UBR1: variants seen among roughly 807,000 people sequenced by gnomAD.
UBR1 encodes ubiquitin protein ligase E3 component n-recognin 1.
A neutral mutation model predicts 242.1 loss-of-function variants in UBR1; 102 were observed. That is an observed-to-expected ratio of 0.42 (90% CI 0.36 to 0.50). UBR1 has a LOEUF of 0.50. Among genes scored for constraint, UBR1 ranks in the 20% least tolerant of loss-of-function variants. The pLI, the probability that UBR1 is intolerant of heterozygous loss-of-function variation, is 0.01. For missense variants in UBR1, 1,772 were observed against 2,101.8 expected (o/e 0.84, Z 3.07); for synonymous variants, 675 against 684.8 (o/e 0.99, Z 0.22).
intron 25 of UBR1, among the ~76,000 whole-genome samples, chr15:43,023,684 T>C (rs189896559): frequency 6.6e-6 from 1 of 151,676 alleles, no homozygotes; most frequent in Admixed American, 6.6e-5. Flanking sequence ...TTTTCACCTA[T>C]TACAGTGGCA....
chr15:42,976,871 TGA>T lies in UBR1; in HGVS notation c.4219-6_4219-5del. ...GGAATGCTAACACAGCACCCACCTA[TGA>T]GAGAAAAATGGACATCAATATGGCT... On this transcript the variant is annotated splice_polypyrimidine_tract_variant and splice_region_variant and intron_variant, in intron 38 of 46. Transcript: ENST00000290650. The T allele has an allele frequency of 6.2e-7, 1 of 1,613,224 alleles. No homozygotes were observed. The highest frequency in any genetic ancestry group is 1.7e-5 in the Admixed American group (1 of 59,968).
rs1310952749 is a variant in UBR1 at position 43,037,528 on chromosome 15, T to C, written c.2022+245A>G. 3.9e-5 allele frequency among the ~76,000 whole-genome samples: 6 copies of C among 152,300 alleles called. No homozygotes were observed. In the East Asian group the frequency reaches 1.2e-3, roughly 29 times the overall value. On this transcript the variant is annotated intron_variant, in intron 17 of 46. Transcript: ENST00000290650. Reference sequence around the variant, plus strand: ...ACTATGTTAATGGGGAGGACTCTGGTGGTACTACCGGCTTTCCCTTAATTT... The same window carrying C: ...ACTATGTTAATGGGGAGGACTCTGGCGGTACTACCGGCTTTCCCTTAATTT...
At chr15:43,010,462 T>G (rs1468401275) in intron 29 of UBR1, among the ~76,000 whole-genome samples, 1 of 152,120 alleles carries the variant, frequency 6.6e-6, no homozygotes, top group Non-Finnish European at 1.5e-5. Context: ...CATAATACTA[T>G]CAATGCAAAT....
chr15:43,064,743 A>G (rs761922974), intron 6 of UBR1, among the ~76,000 whole-genome samples: 14 of 151,798 alleles, frequency 9.2e-5, no homozygotes, highest in Admixed American at 7.9e-4. Context: ...CGCCCAGCTA[A>G]TTTTGTATTT....
At chr15:43,079,547 AG>A (rs2033949219) in intron 3 of UBR1, among the ~76,000 whole-genome samples, 1 of 152,034 alleles carries the variant, frequency 6.6e-6, no homozygotes, top group Non-Finnish European at 1.5e-5. Context: ...TGGGAGGACG[AG>A]GCGGGTGGAT....
At chr15:43,029,125 G>A (rs559753044) in intron 21 of UBR1, among the ~76,000 whole-genome samples, 52 of 151,064 alleles carry the variant, frequency 3.4e-4, no homozygotes, top group African/African-American at 1.2e-3. Context: ...ACACACACAC[G>A]CACACACACA....
intron 46 of UBR1, among the ~76,000 whole-genome samples, chr15:42,947,608 A>G (rs1198169949): frequency 2.0e-5 from 3 of 152,168 alleles, no homozygotes; most frequent in African/African-American, 7.2e-5. Flanking sequence ...AAATCAATGT[A>G]CAAAAATCAC....
intron 10 of UBR1, among the ~76,000 whole-genome samples, chr15:43,058,021 T>C (rs527276643): frequency 5.3e-5 from 8 of 152,024 alleles, no homozygotes; most frequent in Admixed American, 1.3e-4. Flanking sequence ...GTGATTTTCC[T>C]GCCTCAGCCT....
Position 43,059,079 on chromosome 15 carries a change from A to G in UBR1, c.1093+6T>C. On this transcript the variant is annotated splice_donor_region_variant and intron_variant, in intron 9 of 46. Coordinates refer to ENST00000290650, the MANE Select transcript of UBR1 (RefSeq NM_174916.3). ...TGACAAACAGCATAAGCAAATGTCT[A>G]CTTACCTTTATAAAGCTTTGCATCC... is the stretch of plus-strand genomic sequence containing the variant. The G allele has an allele frequency of 6.2e-7, 1 of 1,610,706 alleles. No homozygotes were observed. The highest frequency in any genetic ancestry group is 8.5e-7 in the Non-Finnish European group (1 of 1,176,958).
At chr15:43,054,974 G>A (rs1054860675) in intron 11 of UBR1, 75 bp from the exon 12 acceptor site, 1 of 1,507,940 alleles carries the variant, frequency 6.6e-7, no homozygotes, top group South Asian at 1.1e-5. Flanking sequence ...CATTCATTTG[G>A]TTAGTCAGTA....
At chr15:43,101,115 C>G (rs2034229085) in intron 1 of UBR1, among the ~76,000 whole-genome samples, 1 of 152,168 alleles carries the variant, frequency 6.6e-6, no homozygotes, top group South Asian at 2.1e-4. Flanking sequence ...CAAAATACAG[C>G]TTGGGCTTGT....
At chr15:43,096,197 A>G (rs1392621956) in intron 1 of UBR1, among the ~76,000 whole-genome samples, 2 of 149,560 alleles carry the variant, frequency 1.3e-5, no homozygotes, top group South Asian at 2.1e-4. Context: ...TTTCTGAGAC[A>G]GAGTCTCACT....
chr15:42,982,677 G>GA lies in UBR1; in HGVS notation c.4150+1219dup, dbSNP rs148412102. On this transcript the variant is annotated intron_variant, in intron 37 of 46. Transcript: ENST00000290650. ...TAAGAAGCTTGTGGGGATTGACAAG[G>GA]AAAAACACTATTGGCTTCAATAGAT... 7.7e-4 allele frequency among the ~76,000 whole-genome samples: 117 copies of GA among 152,168 alleles called. 1 individual carries two copies. In the East Asian group the frequency reaches 0.021, roughly 28 times the overall value.
At chr15:43,007,328 A>G in intron 29 of UBR1, 44 bp from the exon 30 acceptor site, 1 of 1,578,828 alleles carries the variant, frequency 6.3e-7, no homozygotes, top group Non-Finnish European at 8.7e-7. Flanking sequence ...TGTTTTGGTC[A>G]CTTGTCTTCA....
At chr15:43,059,625 C>A in intron 8 of UBR1, 77 bp downstream of exon 8, 4 of 1,454,640 alleles carry the variant, frequency 2.7e-6, no homozygotes, top group Admixed American at 1.8e-5. Flanking sequence ...ATTTCATACT[C>A]AATGACATTT....
intron 43 of UBR1, 147 bp downstream of exon 43, chr15:42,960,498 G>C: frequency 1.2e-6 from 1 of 818,248 alleles, no homozygotes; most frequent in Non-Finnish European, 2.0e-6. Flanking sequence ...GGAAGAATCT[G>C]ATTTCTGGCA....
In UBR1 at chr15:42,953,008, C is replaced by T. The variant is rs117710203; in HGVS notation, c.4836-560G>A. ...GCATGATCTCGGCTCACTGCAACCT[C>T]GGCCTCCCCGGTCCAAGCAATTCTC... On this transcript the variant is annotated intron_variant, in intron 44 of 46. Coordinates refer to ENST00000290650, the MANE Select transcript of UBR1 (RefSeq NM_174916.3). Among the ~76,000 whole-genome samples the T allele has an allele frequency of 9.1e-3, 1,390 of 152,052 alleles. 23 individuals carry two copies. The highest frequency in any genetic ancestry group is 0.081 in the East Asian group (421 of 5,168).
intron 46 of UBR1, among the ~76,000 whole-genome samples, chr15:42,949,381 T>C (rs1239486284): frequency 6.6e-6 from 1 of 151,550 alleles, no homozygotes; most frequent in Non-Finnish European, 1.5e-5. Flanking sequence ...TATACATATG[T>C]AACTAACCTG....
At position 43,015,842 on chromosome 15, in the gene UBR1, G is replaced by T. The variant is rs267604210; in HGVS notation, c.3055C>A (p.Arg1019=). Residue 1019 remains arginine, a synonymous_variant, in exon 29 of 47, where the codon CGA becomes AGA. Transcript: ENST00000290650. ...EITHDKEKAE[R]KRKAEAARLH... is the part of the protein sequence containing the mutation. ...CTAGCAGCTTCAGCTTTTCTTTTTCGTTCTGCTTTTTCTTTATCATGAGTA... is the reference window on the plus strand; with the variant it reads ...CTAGCAGCTTCAGCTTTTCTTTTTCTTTCTGCTTTTTCTTTATCATGAGTA... 1.2e-6 allele frequency: 2 copies of T among 1,613,862 alleles called. No homozygotes were observed. The highest frequency in any genetic ancestry group is 1.7e-6 in the Non-Finnish European group (2 of 1,179,982).
Sources: gnomAD v4.1 joint callset for allele counts (sites outside exome capture counted in the v4.1 genomes callset) on GRCh38, gnomAD v4.1.1 for gene constraint, MANE v1.5 for transcripts, NCBI Gene and HGNC (gene_info 2026-07-23, HGNC 2026-07-21) for gene names.